The following NKAIN3 variants were observed in gnomAD, a reference collection of about 807,000 sequenced individuals.
NKAIN3 encodes the protein sodium/potassium-transporting ATPase subunit beta-1-interacting protein 3.
Under a neutral mutation model 30.2 loss-of-function variants are expected in NKAIN3, and 25 were observed. The ratio of observed to expected loss-of-function variants is 0.83; its 90% CI spans 0.60 to 1.16. The LOEUF (loss-of-function observed/expected upper bound fraction) is 1.16. Ranked by LOEUF, NKAIN3 falls within the 50% of genes most tolerant of loss-of-function variation. The pLI is 0.00. For synonymous variants in NKAIN3, 91 were observed against 89.6 expected, an observed-to-expected ratio of 1.02 and a Z score of -0.09; for missense variants, 225 against 254.1, an observed-to-expected ratio of 0.89 and a Z score of 0.78.
chr8:62,963,187 C>A (rs530276355), intron 6 of NKAIN3, among the ~76,000 whole-genome samples: 2 of 152,304 alleles, frequency 1.3e-5, no homozygotes, highest in African/African-American at 4.8e-5. Flanking sequence ...GCCACTGTGC[C>A]CAACCCTGTT....
intron 3 of NKAIN3, among the ~76,000 whole-genome samples, chr8:62,685,870 G>A (rs1279612075): frequency 6.6e-6 from 1 of 152,130 alleles, no homozygotes; most frequent in African/African-American, 2.4e-5. Flanking sequence ...TTGTCTATAT[G>A]TCTAATCCCA....
rs1194018953 is a variant in NKAIN3, at chr8:62,967,827, C to A, written c.*2420C>A. Among the ~76,000 whole-genome samples, 1 of 152,136 alleles carries A rather than the reference C, an allele frequency of 6.6e-6. No homozygotes were observed. The highest frequency in any genetic ancestry group is 1.5e-5 in the Non-Finnish European group (1 of 68,026). On this transcript the variant is annotated 3_prime_UTR_variant, in exon 7 of 7. Transcript: ENST00000623646. ...CAAATAAAATGTGGTTAACATTTCA[C>A]AAAATAGAACCATACTAAATTTTGT...
chr8:62,853,405 T>A lies in NKAIN3; in HGVS notation c.472-65048T>A, dbSNP rs553481636. Among the ~76,000 whole-genome samples, 26 of 152,306 alleles carry A rather than the reference T, an allele frequency of 1.7e-4. No individual in the cohort carries two copies. The South Asian group carries it at 5.2e-3, about 30-fold the overall frequency. The stretch of plus-strand genomic sequence containing the variant: ...CACACTGATGGATCTTGACTCTTTA[T>A]CCAATTTGCCAGTCTGTGTCTTTTA... On this transcript the variant is annotated intron_variant, in intron 4 of 6. Transcript: ENST00000623646.
At chr8:62,391,373 T>A (rs1817579504) in intron 1 of NKAIN3, among the ~76,000 whole-genome samples, 1 of 152,114 alleles carries the variant, frequency 6.6e-6, no homozygotes, top group Non-Finnish European at 1.5e-5. Context: ...GGTACTAATT[T>A]AGCTGAGAAA....
chr8:62,845,219 G>T (rs527589874), intron 4 of NKAIN3, among the ~76,000 whole-genome samples: 21 of 143,562 alleles, frequency 1.5e-4, no homozygotes, highest in Admixed American at 2.2e-4. Context: ...TTGCTCCTAC[G>T]TTGGCTCTGT....
intron 1 of NKAIN3, among the ~76,000 whole-genome samples, chr8:62,498,109 G>T (rs1807302041): frequency 6.6e-6 from 1 of 152,012 alleles, no homozygotes; most frequent in Non-Finnish European, 1.5e-5. Flanking sequence ...CAAACCTTTG[G>T]GTTGGATGAA....
chr8:62,665,801 A>ATAAGTT (rs1226129862), intron 3 of NKAIN3, among the ~76,000 whole-genome samples: 1 of 152,172 alleles, frequency 6.6e-6, no homozygotes, highest in Non-Finnish European at 1.5e-5. Flanking sequence ...GTGCCCAGCA[A>ATAAGTT]TAAGTTTCCA....
chr8:62,323,984 G>A (rs1815030355), intron 1 of NKAIN3, among the ~76,000 whole-genome samples: 1 of 152,220 alleles, frequency 6.6e-6, no homozygotes, highest in Admixed American at 6.5e-5. Context: ...AGGACGAATA[G>A]CTGAAGCACA....
chr8:62,894,414 T>A (rs916960292), intron 4 of NKAIN3, among the ~76,000 whole-genome samples: 1 of 152,186 alleles, frequency 6.6e-6, no homozygotes, highest in Non-Finnish European at 1.5e-5. Flanking sequence ...TTCACATTAC[T>A]TTTGTTTTGG....
rs1029034362 is a variant in NKAIN3 at position 62,974,014 on chromosome 8, A to G, written c.*8607A>G. 3.3e-5 allele frequency among the ~76,000 whole-genome samples: 5 copies of G among 152,118 alleles called. No individual in the cohort carries two copies. The highest frequency in any genetic ancestry group is 5.9e-5 in the Non-Finnish European group (4 of 68,014). On this transcript the variant is annotated 3_prime_UTR_variant, in exon 7 of 7. Coordinates refer to ENST00000623646, the MANE Select transcript of NKAIN3 (RefSeq NM_001304533.3). ...ATTTCTGAGGCCTCTGTTCTGTTGCATTGGTCTATATATCTGTTTTAGTAA... is the reference window on the plus strand; with the variant it reads ...ATTTCTGAGGCCTCTGTTCTGTTGCGTTGGTCTATATATCTGTTTTAGTAA...
intron 5 of NKAIN3, among the ~76,000 whole-genome samples, chr8:62,926,907 T>C (rs973050511): frequency 3.3e-5 from 5 of 152,036 alleles, no homozygotes; most frequent in Admixed American, 1.3e-4. Flanking sequence ...AGCACCTTGC[T>C]CTCTTAATTA....
chr8:62,424,450 CA>C (rs5891855), intron 1 of NKAIN3, among the ~76,000 whole-genome samples: 105,560 of 151,348 alleles, frequency 0.7, 37,065 homozygotes, highest in Non-Finnish European at 0.73. Flanking sequence ...AACTCAATAG[CA>C]AAAAAAACAA....
chr8:62,298,388 A>G (rs1040224298), intron 1 of NKAIN3, among the ~76,000 whole-genome samples: 9 of 152,134 alleles, frequency 5.9e-5, no homozygotes, highest in Admixed American at 5.9e-4. Flanking sequence ...ATGCCCCAGT[A>G]TCAAACCTAC....
chr8:62,616,870 T>C (rs1811470112), intron 3 of NKAIN3, among the ~76,000 whole-genome samples: 1 of 152,170 alleles, frequency 6.6e-6, no homozygotes, highest in Non-Finnish European at 1.5e-5. Context: ...CCAAATCTCA[T>C]GGTGAAATGT....
intron 6 of NKAIN3, among the ~76,000 whole-genome samples, chr8:62,957,582 G>A (rs1227382260): frequency 6.6e-6 from 1 of 152,170 alleles, no homozygotes; most frequent in African/African-American, 2.4e-5. Flanking sequence ...ACATGGAGGA[G>A]CATTAAATGC....
chr8:62,691,549 G>T (rs1813966566), intron 3 of NKAIN3, among the ~76,000 whole-genome samples: 2 of 152,142 alleles, frequency 1.3e-5, no homozygotes, highest in South Asian at 4.1e-4. Flanking sequence ...CTATTGGTTT[G>T]TGGATTTTGT....
At chr8:62,596,717 C>CTT (rs1372982845) in intron 3 of NKAIN3, among the ~76,000 whole-genome samples, 2 of 152,056 alleles carry the variant, frequency 1.3e-5, no homozygotes, top group African/African-American at 4.8e-5. Context: ...TTTCAAAGTC[C>CTT]TTTTTCTACA....
At chr8:62,802,290 G>A (rs1451596019) in intron 4 of NKAIN3, among the ~76,000 whole-genome samples, 1 of 152,116 alleles carries the variant, frequency 6.6e-6, no homozygotes, top group African/African-American at 2.4e-5. Flanking sequence ...TACTCCTCGA[G>A]AAGAGCAACT....
Position 62,305,267 on chromosome 8 carries a change from T to C in NKAIN3, c.54+56140T>C, listed in dbSNP as rs554367789. ...TAGCTATTTTGAACACAGATATTTC[T>C]ATGAAATACGACTTTAAAGCTCCAA... On this transcript the variant is annotated intron_variant, in intron 1 of 6. Transcript: ENST00000623646. Among the ~76,000 whole-genome samples, 4 of 150,520 alleles carry C rather than the reference T, an allele frequency of 2.7e-5. No homozygotes were observed. In the South Asian group the frequency reaches 8.3e-4, roughly 31 times the overall value.
Sources: gnomAD v4.1 joint callset for allele counts (sites outside exome capture counted in the v4.1 genomes callset) on GRCh38, gnomAD v4.1.1 for gene constraint, MANE v1.5 for transcripts, NCBI Gene and HGNC (gene_info 2026-07-23, HGNC 2026-07-21) for gene names.